Variants in ILF2 observed in about 807,000 individuals in gnomAD.
ILF2 encodes the protein interleukin enhancer binding factor 2.
In ILF2, 9 loss-of-function variants were observed where a neutral mutation model predicts 55.3. The ratio of observed to expected loss-of-function variants is 0.16; its 90% CI spans 0.10 to 0.28. ILF2 has a LOEUF of 0.28. Ranked by LOEUF, ILF2 falls within the 10% of genes least tolerant of loss-of-function variation. ILF2 has a pLI of 1.00. For synonymous variants in ILF2, 151 were observed against 161.8 expected, an observed-to-expected ratio of 0.93 and a Z score of 0.50; for missense variants, 266 against 474.9, an observed-to-expected ratio of 0.56 and a Z score of 4.09.
chr1:153,667,441 T>G (rs1273993254), intron 6 of ILF2, 114 bp downstream of exon 6: 9 of 769,692 alleles, frequency 1.2e-5, no homozygotes, highest in Non-Finnish European at 1.9e-5. Context: ...ATGGTACCAC[T>G]GCACTCCAGC....
chr1:153,668,355 C>A, intron 4 of ILF2, 98 bp downstream of exon 4: 1 of 1,427,708 alleles, frequency 7.0e-7, no homozygotes, highest in Non-Finnish European at 9.7e-7. Flanking sequence ...GGATTTCAGG[C>A]TCTGTTAACA....
At position 153,667,605 on chromosome 1, in the gene ILF2, G is replaced by T. The variant is rs1669344935; in HGVS notation, c.344C>A (p.Thr115Lys). Residue 115 changes from threonine to lysine, a missense_variant, in exon 6 of 14, where the codon ACA becomes AAA. Thr to Lys is a moderately conservative substitution (Grantham distance 78). Coordinates refer to ENST00000361891, the MANE Select transcript of ILF2 (RefSeq NM_004515.4). ...VGSYKKGTMTTGHNVADLVVI... is the reference protein window; with the variant it reads ...VGSYKKGTMTKGHNVADLVVI... ...CACCAGGTCAGCCACATTGTGTCCTGTAGTCATTGTCCCCTTTTTATAGGA... is the reference window on the plus strand; with the variant it reads ...CACCAGGTCAGCCACATTGTGTCCTTTAGTCATTGTCCCCTTTTTATAGGA... The T allele has an allele frequency of 6.2e-7, 1 of 1,613,814 alleles. No homozygotes were observed. Among genetic ancestry groups the T allele is most frequent in the East Asian group, 2.2e-5 (1 of 44,888 alleles).
chr1:153,662,636 T>C, intron 13 of ILF2, 69 bp downstream of exon 13: 1 of 1,572,288 alleles, frequency 6.4e-7, no homozygotes, highest in Non-Finnish European at 8.8e-7. Flanking sequence ...ATTAAAGACA[T>C]TTAAGTAGTG....
rs373919592 is a variant in ILF2, at chr1:153,665,638, T to C, written c.460+25A>G. The stretch of plus-strand genomic sequence containing the variant: ...AGACCTGGTTCCTATGGCTACTAAA[T>C]ACAGAATCAGCAACAAATGCAAACC... On this transcript the variant is annotated intron_variant, in intron 7 of 13. Transcript: ENST00000361891. The C allele has an allele frequency of 3.1e-6, 5 of 1,596,746 alleles. No individual in the cohort carries two copies. The East Asian group carries it at 6.7e-5, about 21-fold the overall frequency.
intron 10 of ILF2, among the ~76,000 whole-genome samples, chr1:153,663,763 A>G (rs1195454147): frequency 6.6e-6 from 1 of 151,720 alleles, no homozygotes; most frequent in Non-Finnish European, 1.5e-5. Context: ...ATGAGAAGAA[A>G]ACGGGACACT....
At chr1:153,668,154 A>C in intron 4 of ILF2, 77 bp from the exon 5 acceptor site, 1 of 1,108,048 alleles carries the variant, frequency 9.0e-7, no homozygotes, top group Non-Finnish European at 1.3e-6. Flanking sequence ...TTTTCTCCTA[A>C]TCCCTTCCAT....
In ILF2 at chr1:153,664,136, A is replaced by G; in HGVS notation, c.657-6T>C. 1.3e-6 allele frequency: 2 copies of G among 1,585,600 alleles called. No individual in the cohort carries two copies. The highest frequency in any genetic ancestry group is 1.7e-6 in the Non-Finnish European group (2 of 1,156,112). On this transcript the variant is annotated splice_polypyrimidine_tract_variant and splice_region_variant and intron_variant, in intron 9 of 13. Coordinates refer to ENST00000361891, the MANE Select transcript of ILF2 (RefSeq NM_004515.4). The stretch of plus-strand genomic sequence containing the variant: ...GTCTGATGAGAACTTTAACTCTGAA[A>G]GTAATAGTGACCCAAACATTAAAAT...
chr1:153,664,733 AT>A (rs1669265157), intron 8 of ILF2, among the ~76,000 whole-genome samples: 1 of 152,048 alleles, frequency 6.6e-6, no homozygotes, highest in Non-Finnish European at 1.5e-5. Flanking sequence ...CTAATTTTTT[AT>A]TTTAGTAGAG....
Position 153,665,262 on chromosome 1 carries a change from T to C in ILF2, c.535A>G (p.Thr179Ala). The C allele has an allele frequency of 2.5e-6, 4 of 1,613,322 alleles. No homozygotes were observed. The highest frequency in any genetic ancestry group is 2.2e-5 in the East Asian group (1 of 44,880). Residue 179 changes from threonine to alanine, a missense_variant, in exon 8 of 14, where the codon ACA (threonine) becomes GCA (alanine). Thr to Ala is a moderately conservative substitution (Grantham distance 58, BLOSUM62 0). Coordinates refer to ENST00000361891, the MANE Select transcript of ILF2 (RefSeq NM_004515.4). ...SDATVKILIT[T>A]VPPNLRKLDP... ...AGTTTTCGAAGATTGGGTGGCACTG[T>C]TGTAATGAGAATCTTCACTGTAGCA...
chr1:153,668,848 G>T (rs1251810619), intron 3 of ILF2, among the ~76,000 whole-genome samples: 1 of 151,846 alleles, frequency 6.6e-6, no homozygotes, highest in African/African-American at 2.4e-5. Flanking sequence ...AGTGAGCCAA[G>T]ATCGCGCCAT....
chr1:153,664,113 C>A lies in ILF2; in HGVS notation c.674G>T (p.Arg225Ile). 6.2e-7 allele frequency: 1 copy of A among 1,611,744 alleles called. No homozygotes were observed. Among genetic ancestry groups the A allele is most frequent in the South Asian group, 1.1e-5 (1 of 90,898 alleles). The change falls in exon 10 of 14, where the codon AGA becomes ATA. Residue 225 changes from arginine (R) to isoleucine (I), a missense_variant. Coordinates refer to ENST00000361891, the MANE Select transcript of ILF2 (RefSeq NM_004515.4). ...ASQSTVKVLI[R>I]LLKDLRIRFP... is the part of the protein sequence containing the mutation. ...ACGAATCCTCAAGTCCTTCAGTAGT[C>A]TGATGAGAACTTTAACTCTGAAAGT...
At chr1:153,662,647 TACAG>T (rs1669198611) in intron 13 of ILF2, 54 bp downstream of exon 13, 3 of 1,578,610 alleles carry the variant, frequency 1.9e-6, no homozygotes, top group Non-Finnish European at 2.6e-6. Context: ...TTAAGTAGTG[TACAG>T]CTTCTCTGTA....
intron 2 of ILF2, 119 bp downstream of exon 2, chr1:153,670,052 G>A (rs1669405953): frequency 8.6e-7 from 1 of 1,168,496 alleles, no homozygotes; most frequent in Non-Finnish European, 1.3e-6. Context: ...AGGAGTGCAG[G>A]AAAAGACCAC....
chr1:153,667,676 C>A lies in ILF2; in HGVS notation c.292-19G>T. On this transcript the variant is annotated intron_variant, in intron 5 of 13. Coordinates refer to ENST00000361891, the MANE Select transcript of ILF2 (RefSeq NM_004515.4). ...CAATTTGCTGTTGGAAAAAGGATTTCGGGGAAAAACAATTTAGAAGAAAAA... is the reference window on the plus strand; with the variant it reads ...CAATTTGCTGTTGGAAAAAGGATTTAGGGGAAAAACAATTTAGAAGAAAAA... 1 of 1,544,548 alleles carries A rather than the reference C, an allele frequency of 6.5e-7. No homozygotes were observed. Among genetic ancestry groups the A allele is most frequent in the South Asian group, 1.1e-5 (1 of 87,202 alleles).
intron 4 of ILF2, 89 bp from the exon 5 acceptor site, chr1:153,668,166 C>T: frequency 2.0e-6 from 2 of 978,378 alleles, no homozygotes; most frequent in East Asian, 2.5e-5. Flanking sequence ...CCCTTCCATA[C>T]AAGCTGACTC....
At chr1:153,664,697 T>C (rs1290465273) in intron 8 of ILF2, among the ~76,000 whole-genome samples, 4 of 152,170 alleles carry the variant, frequency 2.6e-5, no homozygotes, top group Admixed American at 6.5e-5. Context: ...GTAGCTGGGA[T>C]TACAGGTAAC....
At chr1:153,670,046 G>GT (rs1360098747) in intron 2 of ILF2, 125 bp downstream of exon 2, 2 of 1,118,286 alleles carry the variant, frequency 1.8e-6, no homozygotes, top group Non-Finnish European at 2.7e-6. Flanking sequence ...TTTAACAGGA[G>GT]TGCAGGAAAA....
rs768085135 is a variant in ILF2, at chr1:153,665,755, TATA to T, written c.395-30_395-28del. ...TAATTGACAGAAAATGACATAATGT[TATA>T]ATAATTTATTTGCCTAGACTTTCTA... On this transcript the variant is annotated intron_variant, in intron 6 of 13. Transcript: ENST00000361891. The T allele has an allele frequency of 3.9e-6, 6 of 1,553,718 alleles. No individual in the cohort carries two copies. In the South Asian group the frequency reaches 4.6e-5, roughly 12 times the overall value.
intron 6 of ILF2, among the ~76,000 whole-genome samples, chr1:153,666,535 G>A (rs1448463305): frequency 1.3e-5 from 2 of 151,786 alleles, no homozygotes; most frequent in Non-Finnish European, 2.9e-5. Context: ...TTTTCTTTTT[G>A]TAGGTACAGG....
Sources: gnomAD v4.1 joint callset for allele counts (sites outside exome capture counted in the v4.1 genomes callset) on GRCh38, gnomAD v4.1.1 for gene constraint, MANE v1.5 for transcripts, NCBI Gene and HGNC (gene_info 2026-07-23, HGNC 2026-07-21) for gene names.